The following AGBL4 variants were observed in gnomAD, a reference collection of about 807,000 sequenced individuals.
AGBL4 encodes the protein AGBL carboxypeptidase 4.
In AGBL4, 58 loss-of-function variants were observed where a neutral mutation model predicts 66.4. The observed-to-expected ratio is 0.87, with a 90% CI of 0.71 to 1.09. The LOEUF is 1.09. AGBL4 is among the 50% of genes least tolerant of loss of function. The pLI is 0.00. For missense variants in AGBL4, 579 were observed against 631.0 expected, an observed-to-expected ratio of 0.92 and a Z score of 0.88; for synonymous variants, 234 against 222.9, an observed-to-expected ratio of 1.05 and a Z score of -0.44.
intron 5 of AGBL4, among the ~76,000 whole-genome samples, chr1:49,003,275 G>A (rs965377848): frequency 2.0e-5 from 3 of 152,030 alleles, no homozygotes; most frequent in African/African-American, 4.8e-5. Flanking sequence ...GCACATGCCT[G>A]TAATCCTAGC....
chr1:49,831,442 T>G (rs1354156815), intron 2 of AGBL4, among the ~76,000 whole-genome samples: 2 of 152,176 alleles, frequency 1.3e-5, no homozygotes, highest in Non-Finnish European at 2.9e-5. Context: ...CACTTGTGAT[T>G]TTTGCATATT....
chr1:49,142,475 CAT>C (rs1310216640), intron 4 of AGBL4, among the ~76,000 whole-genome samples: 1 of 152,182 alleles, frequency 6.6e-6, no homozygotes, highest in East Asian at 1.9e-4. Context: ...TTACTTTCTG[CAT>C]ATATAAAATG....
intron 4 of AGBL4, among the ~76,000 whole-genome samples, chr1:49,167,065 C>A (rs1166070374): frequency 6.6e-6 from 1 of 152,150 alleles, no homozygotes; most frequent in Non-Finnish European, 1.5e-5. Flanking sequence ...ACCTTTTCCA[C>A]ACATAATTGT....
intron 2 of AGBL4, among the ~76,000 whole-genome samples, chr1:49,747,530 C>T (rs1022579353): frequency 1.3e-5 from 2 of 152,124 alleles, no homozygotes; most frequent in Admixed American, 6.6e-5. Context: ...ATAATGTTGA[C>T]TTTTTTCCTT....
chr1:49,516,517 G>A (rs935733329), intron 3 of AGBL4, among the ~76,000 whole-genome samples: 3 of 152,074 alleles, frequency 2.0e-5, no homozygotes, highest in African/African-American at 7.2e-5. Context: ...AACATTTGAG[G>A]TTAAGTTTTA....
At position 48,543,002 on chromosome 1, in the gene AGBL4, A is replaced by G. The variant is rs553987504; in HGVS notation, c.1268-3264T>C. Among the ~76,000 whole-genome samples the G allele has an allele frequency of 2.6e-5, 4 of 152,318 alleles. No individual in the cohort carries two copies. In the East Asian group the frequency reaches 5.8e-4, roughly 22 times the overall value. ...AGTAGGTATATTATTCCCACTGTTC[A>G]GAGAAGATAAGGGATTTCCCCAAAT... On this transcript the variant is annotated intron_variant, in intron 11 of 13. Transcript: ENST00000371839.
chr1:48,669,970 C>T (rs996037502), intron 6 of AGBL4, among the ~76,000 whole-genome samples: 1 of 152,170 alleles, frequency 6.6e-6, no homozygotes, highest in Non-Finnish European at 1.5e-5. Flanking sequence ...AAGTAGTAGA[C>T]TCATTATGCT....
intron 3 of AGBL4, among the ~76,000 whole-genome samples, chr1:49,428,568 T>A (rs1033996500): frequency 6.6e-6 from 1 of 152,146 alleles, no homozygotes; most frequent in African/African-American, 2.4e-5. Context: ...CTGCCTGGAG[T>A]TTACTTGGCA....
intron 5 of AGBL4, among the ~76,000 whole-genome samples, chr1:49,044,426 T>C (rs965662945): frequency 6.2e-4 from 94 of 151,596 alleles, no homozygotes; most frequent in African/African-American, 2.2e-3. Flanking sequence ...GAGGCAGAGG[T>C]TGCAGTGAGC....
At position 49,730,148 on chromosome 1, in the gene AGBL4, G is replaced by GCTAC. The variant is rs1305923166; in HGVS notation, c.158-32715_158-32712dup. On this transcript the variant is annotated intron_variant, in intron 2 of 13. Coordinates refer to ENST00000371839, the MANE Select transcript of AGBL4 (RefSeq NM_032785.4). ...TTCTGGGCCTCCTCTCACACAGTGG[G>GCTAC]CTACCCACTTCAGGTCCCCTCTTGT... is the stretch of plus-strand genomic sequence containing the variant. 3.3e-5 allele frequency among the ~76,000 whole-genome samples: 5 copies of GCTAC among 152,222 alleles called. No individual in the cohort carries two copies. In the East Asian group the frequency reaches 9.7e-4, roughly 30 times the overall value.
intron 3 of AGBL4, among the ~76,000 whole-genome samples, chr1:49,670,929 T>A (rs1467070847): frequency 6.6e-6 from 1 of 152,214 alleles, no homozygotes; most frequent in Non-Finnish European, 1.5e-5. Context: ...ATTTACAGAT[T>A]CAATGCTATT....
chr1:49,432,486 T>C (rs894953839), intron 3 of AGBL4, among the ~76,000 whole-genome samples: 1 of 152,180 alleles, frequency 6.6e-6, no homozygotes, highest in Non-Finnish European at 1.5e-5. Context: ...ACAATACTAC[T>C]GCATATAGAA....
At chr1:49,918,930 T>C (rs536061404) in intron 1 of AGBL4, among the ~76,000 whole-genome samples, 1 of 152,026 alleles carries the variant, frequency 6.6e-6, no homozygotes, top group Non-Finnish European at 1.5e-5. Context: ...TGGTTCAACA[T>C]ACAAAAATCA....
intron 2 of AGBL4, among the ~76,000 whole-genome samples, chr1:49,817,337 T>C (rs766147689): frequency 1.3e-5 from 2 of 152,204 alleles, no homozygotes; most frequent in Non-Finnish European, 2.9e-5. Context: ...GACCCAGGCA[T>C]ATACATGGAA....
chr1:49,816,686 T>C (rs1447675356), intron 2 of AGBL4, among the ~76,000 whole-genome samples: 1 of 152,122 alleles, frequency 6.6e-6, no homozygotes, highest in Non-Finnish European at 1.5e-5. Flanking sequence ...TTACAGACAA[T>C]ACCAATGAAA....
intron 1 of AGBL4, among the ~76,000 whole-genome samples, chr1:50,010,469 AACACACACAC>A (rs113933841): frequency 2.0e-5 from 3 of 148,966 alleles, no homozygotes; most frequent in Non-Finnish European, 3.0e-5. Context: ...AGGAACCACA[AACACACACAC>A]ACACACACAC....
Position 50,019,252 on chromosome 1 carries a change from G to GA in AGBL4, c.34+4510dup, listed in dbSNP as rs1234993486. On this transcript the variant is annotated intron_variant, in intron 1 of 13. Coordinates refer to ENST00000371839, the MANE Select transcript of AGBL4 (RefSeq NM_032785.4). Reference sequence around the variant, plus strand: ...AGGTGATTTTCTCCTATGCCTTTAGGAAAAAAAATATTCTCTCTCTCTCTC... The same window carrying GA: ...AGGTGATTTTCTCCTATGCCTTTAGGAAAAAAAAATATTCTCTCTCTCTCTC... Among the ~76,000 whole-genome samples, 7 of 98,732 alleles carry GA rather than the reference G, an allele frequency of 7.1e-5. 1 individual carries two copies. In the South Asian group the frequency reaches 1.2e-3, roughly 16 times the overall value. The allele number at this position is 98,732 out of a possible 152,430, so 64.8% of individuals were successfully genotyped here.
At chr1:49,398,472 C>G (rs1490394221) in intron 3 of AGBL4, among the ~76,000 whole-genome samples, 1 of 152,024 alleles carries the variant, frequency 6.6e-6, no homozygotes, top group African/African-American at 2.4e-5. Context: ...ATACCACTGG[C>G]TTTTGTGGTT....
At chr1:48,718,551 G>A (rs1647090272) in intron 6 of AGBL4, among the ~76,000 whole-genome samples, 1 of 152,178 alleles carries the variant, frequency 6.6e-6, no homozygotes, top group African/African-American at 2.4e-5. Context: ...CCAGGGCCAG[G>A]TGCTTCCCAC....
Sources: gnomAD v4.1 joint callset for allele counts (sites outside exome capture counted in the v4.1 genomes callset) on GRCh38, gnomAD v4.1.1 for gene constraint, MANE v1.5 for transcripts, NCBI Gene and HGNC (gene_info 2026-07-23, HGNC 2026-07-21) for gene names.